SEC24A: variants seen among roughly 807,000 people sequenced by gnomAD.
SEC24A encodes the protein protein transport protein Sec24A.
A neutral mutation model predicts 129.4 loss-of-function variants in SEC24A; 93 were observed. That is an observed-to-expected ratio of 0.72 (90% CI 0.61 to 0.85). The LOEUF (loss-of-function observed/expected upper bound fraction) is 0.85. Ranked by LOEUF, SEC24A falls within the 40% of genes least tolerant of loss-of-function variation. SEC24A has a pLI of 0.00. For missense variants in SEC24A, 1,264 were observed against 1,307.4 expected, an observed-to-expected ratio of 0.97 and a Z score of 0.51; for synonymous variants, 460 against 467.3, an observed-to-expected ratio of 0.98 and a Z score of 0.20.
At chr5:134,650,584 G>T (rs1334865523) in intron 1 of SEC24A, among the ~76,000 whole-genome samples, 4 of 151,548 alleles carry the variant, frequency 2.6e-5, no homozygotes, top group Non-Finnish European at 4.4e-5. Flanking sequence ...GCCCAGGCTG[G>T]AGTGCAGTGG....
At chr5:134,707,553 T>C (rs1752202469) in intron 17 of SEC24A, among the ~76,000 whole-genome samples, 1 of 151,966 alleles carries the variant, frequency 6.6e-6, no homozygotes, top group Non-Finnish European at 1.5e-5. Flanking sequence ...GTGGTCTCGA[T>C]CTCCTGACCT....
At chr5:134,657,750 A>AT (rs1434548470) in intron 1 of SEC24A, among the ~76,000 whole-genome samples, 3 of 151,820 alleles carry the variant, frequency 2.0e-5, no homozygotes, top group Non-Finnish European at 4.4e-5. Context: ...CTAATTATTT[A>AT]TTTTTTTGTA....
intron 18 of SEC24A, among the ~76,000 whole-genome samples, chr5:134,710,283 C>T (rs777410867): frequency 1.1e-4 from 17 of 151,746 alleles, no homozygotes; most frequent in Non-Finnish European, 2.2e-4. Context: ...ACGATCTCGG[C>T]TCACCACAAC....
intron 3 of SEC24A, among the ~76,000 whole-genome samples, chr5:134,669,019 C>A (rs911811377): frequency 4.7e-5 from 7 of 149,206 alleles, no homozygotes; most frequent in African/African-American, 1.7e-4. Flanking sequence ...TTGCAGTGAG[C>A]CGAGATCACA....
intron 15 of SEC24A, among the ~76,000 whole-genome samples, chr5:134,698,638 T>G (rs550381643): frequency 1.1e-4 from 16 of 148,608 alleles, no homozygotes; most frequent in Admixed American, 2.7e-4. Flanking sequence ...TTGTTTTTTT[T>G]TTTTTTTTTT....
In SEC24A at chr5:134,686,915, A is replaced by T; in HGVS notation, c.1604+13A>T. The T allele has an allele frequency of 1.4e-6, 2 of 1,403,370 alleles. No homozygotes were observed. The highest frequency in any genetic ancestry group is 1.0e-6 in the Non-Finnish European group (1 of 1,003,398). 86.9% of individuals were successfully genotyped at this position (1,403,370 alleles called of 1,614,324 possible). ...ACAATCTGGATTTGTAAGTTTCTCA[A>T]TTCAGCTTAAATATGAAACTAATAA... On this transcript the variant is annotated intron_variant, in intron 10 of 22. Coordinates refer to ENST00000398844, the MANE Select transcript of SEC24A (RefSeq NM_021982.3).
In SEC24A at chr5:134,689,150, G is replaced by A. The variant is rs111550636; in HGVS notation, c.1723+851G>A. 3.7e-3 allele frequency among the ~76,000 whole-genome samples: 559 copies of A among 152,274 alleles called. 3 individuals are homozygous for A. Among genetic ancestry groups the A allele is most frequent in the African/African-American group, 0.013 (535 of 41,560 alleles). ...ATGGACTAAAGACCTAAACTTAAGA[G>A]CTATAAGTATAAAACAGGGGCAAAT... On this transcript the variant is annotated intron_variant, in intron 11 of 22. Transcript: ENST00000398844.
In SEC24A at chr5:134,725,093, G is replaced by T. The variant is rs889506846; in HGVS notation, c.3281G>T (p.Ter1094LeuextTer6). The T allele has an allele frequency of 1.4e-6, 2 of 1,397,502 alleles. No homozygotes were observed. Among genetic ancestry groups the T allele is most frequent in the African/African-American group, 2.8e-5 (2 of 70,302 alleles). The allele number at this position is 1,397,502 out of a possible 1,614,324, so 86.6% of individuals were successfully genotyped here. ...CATATACAGCAACAAGTGAATAAATGAATGAATGAAGAAATTTGACTTATT... is the reference window on the plus strand; with the variant it reads ...CATATACAGCAACAAGTGAATAAATTAATGAATGAAGAAATTTGACTTATT... Reference protein sequence around the residue: ...LLHIQQQVNK* With the variant: ...LLHIQQQVNKL Residue 1094 changes from the stop codon to leucine, a stop_lost, in exon 23 of 23, where the codon TGA becomes TTA. Coordinates refer to ENST00000398844, the MANE Select transcript of SEC24A (RefSeq NM_021982.3).
Position 134,660,199 on chromosome 5 carries a change from A to G in SEC24A, c.98-920A>G, listed in dbSNP as rs959594328. Among the ~76,000 whole-genome samples the G allele has an allele frequency of 3.6e-5, 5 of 140,588 alleles. No homozygotes were observed. The South Asian group carries it at 8.9e-4, about 25-fold the overall frequency. 92.2% of individuals were successfully genotyped at this position (140,588 alleles called of 152,430 possible). A position where few individuals can be genotyped will look rare whatever the true frequency, so the allele number is the denominator to read the frequency against. ...CAACATAGTGAGTCTCTGTCTCTAC[A>G]AAAAAAAAAAAAAAAAATTAGGCCG... On this transcript the variant is annotated intron_variant, in intron 1 of 22. Coordinates refer to ENST00000398844, the MANE Select transcript of SEC24A (RefSeq NM_021982.3).
In SEC24A at chr5:134,654,655, T is replaced by A. The variant is rs116098918; in HGVS notation, c.97+5482T>A. On this transcript the variant is annotated intron_variant, in intron 1 of 22. Coordinates refer to ENST00000398844, the MANE Select transcript of SEC24A (RefSeq NM_021982.3). ...AAAGGCAAATAATGACTCCCACCAT[T>A]AATTAGTGCCTTTATTGACTGAATC... Among the ~76,000 whole-genome samples, 608 of 152,304 alleles carry A rather than the reference T, an allele frequency of 4.0e-3. 4 individuals carry two copies. The highest frequency in any genetic ancestry group is 0.014 in the African/African-American group (590 of 41,574).
At chr5:134,682,351 G>T (rs747113932) in intron 8 of SEC24A, 22 bp from the exon 9 acceptor site, 6 of 1,240,756 alleles carry the variant, frequency 4.8e-6, no homozygotes, top group Admixed American at 1.9e-5. Flanking sequence ...TTTTCAATAT[G>T]TGTATTGTTA....
At chr5:134,716,261 G>T (rs1409938651) in intron 19 of SEC24A, among the ~76,000 whole-genome samples, 1 of 151,894 alleles carries the variant, frequency 6.6e-6, no homozygotes, top group South Asian at 2.1e-4. Flanking sequence ...CAGAGTTCAA[G>T]ACTAGCCTGG....
chr5:134,675,034 T>C lies in SEC24A; in HGVS notation c.979-11T>C, dbSNP rs1244664515. ...ATAAAAGTTACTTACTTTAAAATTATGTATCTGTAGACTCCCTTAGGTGCT... is the reference window on the plus strand; with the variant it reads ...ATAAAAGTTACTTACTTTAAAATTACGTATCTGTAGACTCCCTTAGGTGCT... On this transcript the variant is annotated splice_polypyrimidine_tract_variant and intron_variant, in intron 5 of 22. Coordinates refer to ENST00000398844, the MANE Select transcript of SEC24A (RefSeq NM_021982.3). The C allele has an allele frequency of 6.4e-7, 1 of 1,552,866 alleles. No individual in the cohort carries two copies. The highest frequency in any genetic ancestry group is 1.4e-5 in the African/African-American group (1 of 72,570).
intron 2 of SEC24A, among the ~76,000 whole-genome samples, chr5:134,662,096 G>C (rs1028211927): frequency 6.6e-6 from 1 of 151,846 alleles, no homozygotes; most frequent in Non-Finnish European, 1.5e-5. Flanking sequence ...CTCCCAAAGT[G>C]CGAGGATTAC....
At chr5:134,694,471 C>T (rs1029826736) in intron 13 of SEC24A, among the ~76,000 whole-genome samples, 1 of 151,670 alleles carries the variant, frequency 6.6e-6, no homozygotes, top group African/African-American at 2.4e-5. Flanking sequence ...CACGGTGAAA[C>T]CCCATCTCTA....
chr5:134,716,503 G>C (rs1030623280), intron 19 of SEC24A, among the ~76,000 whole-genome samples: 1 of 137,826 alleles, frequency 7.3e-6, no homozygotes, highest in Non-Finnish European at 1.6e-5. Flanking sequence ...AAAATTTAAA[G>C]AATTTAATAT....
chr5:134,686,487 T>C (rs1014339207), intron 9 of SEC24A, among the ~76,000 whole-genome samples: 1 of 152,214 alleles, frequency 6.6e-6, no homozygotes, highest in African/African-American at 2.4e-5. Context: ...TCTGCCCGCC[T>C]TGGCCTCCCA....
chr5:134,686,153 A>G (rs1751443401), intron 9 of SEC24A, among the ~76,000 whole-genome samples: 1 of 152,142 alleles, frequency 6.6e-6, no homozygotes, highest in Non-Finnish European at 1.5e-5. Flanking sequence ...AAATATTCAG[A>G]TTACCAAATC....
intron 21 of SEC24A, among the ~76,000 whole-genome samples, 173 bp from the exon 22 acceptor site, chr5:134,723,394 G>T (rs1752676043): frequency 6.6e-6 from 1 of 152,092 alleles, no homozygotes; most frequent in African/African-American, 2.4e-5. Flanking sequence ...GAGCCTGGAG[G>T]TTGAGACTGC....
Sources: allele counts gnomAD v4.1 joint callset (sites outside exome capture counted in the v4.1 genomes callset), GRCh38; gene constraint gnomAD v4.1.1; transcripts MANE v1.5; gene names NCBI Gene and HGNC (gene_info 2026-07-23, HGNC 2026-07-21).